GBF1: variants seen among roughly 807,000 people sequenced by gnomAD.
GBF1 encodes the protein golgi brefeldin A resistant guanine nucleotide exchange factor 1.
In GBF1, 114 loss-of-function variants were observed where a neutral mutation model predicts 210.5. The ratio of observed to expected loss-of-function variants is 0.54; its 90% CI spans 0.47 to 0.63. The LOEUF is 0.63. GBF1 is among the 30% of genes least tolerant of loss of function. GBF1 has a pLI of 0.00. For synonymous variants in GBF1, 850 were observed against 889.2 expected (o/e 0.96, Z 0.78); for missense variants, 1,851 against 2,357.7 (o/e 0.79, Z 4.45).
intron 3 of GBF1, among the ~76,000 whole-genome samples, chr10:102,297,966 G>T (rs1272897876): frequency 6.6e-6 from 1 of 152,088 alleles, no homozygotes; most frequent in Non-Finnish European, 1.5e-5. Flanking sequence ...ACAGAGTCTA[G>T]CTCTGTTACC....
chr10:102,270,771 C>T (rs1266090001), intron 3 of GBF1, among the ~76,000 whole-genome samples: 2 of 152,252 alleles, frequency 1.3e-5, no homozygotes, highest in South Asian at 2.1e-4. Context: ...TTCCGTTTGT[C>T]CCCAAACTTT....
intron 3 of GBF1, among the ~76,000 whole-genome samples, chr10:102,282,733 A>T (rs1468424605): frequency 6.6e-6 from 1 of 152,198 alleles, no homozygotes; most frequent in Non-Finnish European, 1.5e-5. Flanking sequence ...GTATAGCATG[A>T]ACACTAACCC....
Position 102,363,490 on chromosome 10 carries a change from C to A in GBF1, c.2017+94C>A. The A allele has an allele frequency of 8.0e-7, 1 of 1,251,508 alleles. No homozygotes were observed. The highest frequency in any genetic ancestry group is 1.1e-6 in the Non-Finnish European group (1 of 884,734). The allele number at this position is 1,251,508 out of a possible 1,614,324, so 77.5% of individuals were successfully genotyped here. On this transcript the variant is annotated intron_variant, in intron 16 of 39. Coordinates refer to ENST00000369983, the MANE Select transcript of GBF1 (RefSeq NM_001377137.1). The surrounding 1 kb of genome is among the most constrained non-coding windows in gnomAD (Gnocchi z 4.2). ...GCAGACACCTAGGATAGTAACTAAG[C>A]AAGCCTTGGTAGCCCGCCTCGCCTT...
intron 3 of GBF1, among the ~76,000 whole-genome samples, chr10:102,300,975 T>TC (rs2077289194): frequency 1.2e-5 from 1 of 82,072 alleles, no homozygotes; most frequent in Non-Finnish European, 2.3e-5. Flanking sequence ...TATTTTCTTT[T>TC]CTTTTTTTTT....
the GBF1 span, among the ~76,000 whole-genome samples, chr10:102,236,581 AT>A: frequency 6.6e-6 from 1 of 152,158 alleles, no homozygotes; most frequent in Non-Finnish European, 1.5e-5. Flanking sequence ...CAAGAATGAA[AT>A]ATCCAGGACA....
chr10:102,279,839 CA>C (rs1249309540), intron 3 of GBF1, among the ~76,000 whole-genome samples: 1 of 152,120 alleles, frequency 6.6e-6, no homozygotes, highest in Non-Finnish European at 1.5e-5. Flanking sequence ...ACCTTGCCCT[CA>C]AAAAAAGTGG....
intron 3 of GBF1, among the ~76,000 whole-genome samples, chr10:102,311,518 T>C (rs2133984830): frequency 6.6e-6 from 1 of 152,350 alleles, no homozygotes; most frequent in Middle Eastern, 3.4e-3. Flanking sequence ...TCTTACGCTA[T>C]TGCTTCTATG....
In GBF1 at chr10:102,365,861, T is replaced by C. The variant is rs540043886; in HGVS notation, c.2309+262T>C. ...GGGAGTTCGAGGCTGCAGTGAGCTGTGATCATGCCACTGTGATAGAGTGAG... is the reference window on the plus strand; with the variant it reads ...GGGAGTTCGAGGCTGCAGTGAGCTGCGATCATGCCACTGTGATAGAGTGAG... On this transcript the variant is annotated intron_variant, in intron 18 of 39. Coordinates refer to ENST00000369983, the MANE Select transcript of GBF1 (RefSeq NM_001377137.1). 3.3e-5 allele frequency among the ~76,000 whole-genome samples: 5 copies of C among 149,440 alleles called. No homozygotes were observed. The South Asian group carries it at 1.0e-3, about 31-fold the overall frequency.
chr10:102,353,676 G>A, intron 8 of GBF1, 22 bp downstream of exon 8: 1 of 1,578,124 alleles, frequency 6.3e-7, no homozygotes, highest in Non-Finnish European at 8.7e-7. Context: ...GAGCTGATCT[G>A]CTGTCCCTCA....
chr10:102,282,001 A>G (rs1389572820), intron 3 of GBF1, among the ~76,000 whole-genome samples: 1 of 145,222 alleles, frequency 6.9e-6, no homozygotes, highest in Non-Finnish European at 1.5e-5. Context: ...ATCTTGGCTC[A>G]CTGCAAGCTC....
intron 3 of GBF1, among the ~76,000 whole-genome samples, chr10:102,342,410 CACACACAG>C (rs2058261200): frequency 6.7e-6 from 1 of 148,924 alleles, no homozygotes; most frequent in African/African-American, 2.4e-5. Flanking sequence ...CACACACACT[CACACACAG>C]ACACACACAC....
intron 39 of GBF1, 95 bp from the exon 40 acceptor site, chr10:102,381,961 G>A (rs923687284): frequency 9.1e-7 from 1 of 1,093,366 alleles, no homozygotes; most frequent in Non-Finnish European, 1.3e-6. Flanking sequence ...GGAACAAGGA[G>A]GAACAGAGAC....
chr10:102,339,001 A>G (rs1343424813), intron 3 of GBF1, among the ~76,000 whole-genome samples: 1 of 152,166 alleles, frequency 6.6e-6, no homozygotes, highest in Non-Finnish European at 1.5e-5. Context: ...TGGAAAGGCA[A>G]AGGAATTGGA....
At chr10:102,354,184 C>T (rs1035048994) in intron 8 of GBF1, among the ~76,000 whole-genome samples, 3 of 152,170 alleles carry the variant, frequency 2.0e-5, no homozygotes, top group Non-Finnish European at 4.4e-5. Flanking sequence ...CTTCACGGGC[C>T]TCTGATGAGG....
At chr10:102,238,474 A>C in the GBF1 span, among the ~76,000 whole-genome samples, 1 of 152,192 alleles carries the variant, frequency 6.6e-6, no homozygotes, top group African/African-American at 2.4e-5. Flanking sequence ...AGACAGCGGC[A>C]GGGGTAGTGG....
intron 4 of GBF1, among the ~76,000 whole-genome samples, chr10:102,349,580 T>A (rs2058800644): frequency 6.6e-6 from 1 of 152,038 alleles, no homozygotes; most frequent in Non-Finnish European, 1.5e-5. Flanking sequence ...ATCTTATAAT[T>A]CCTGTGACTA....
chr10:102,334,861 A>G (rs185964621), intron 3 of GBF1, among the ~76,000 whole-genome samples: 394 of 152,234 alleles, frequency 2.6e-3, no homozygotes, highest in African/African-American at 7.3e-3. Context: ...AAAAAAAAAA[A>G]AAAGTCAAGA....
chr10:102,278,815 A>AT (rs1437037459), intron 3 of GBF1, among the ~76,000 whole-genome samples: 1 of 152,184 alleles, frequency 6.6e-6, no homozygotes, highest in Non-Finnish European at 1.5e-5. Context: ...CACTACTGAT[A>AT]TAGGGTCCTT....
At chr10:102,305,089 C>A (rs772011) in intron 3 of GBF1, among the ~76,000 whole-genome samples, 151,507 of 152,082 alleles carry the variant, frequency 1, 75,475 homozygotes, top group Middle Eastern at 1. Context: ...ACATTGGTTC[C>A]AGAAGGATTG....
Sources: gnomAD v4.1 joint callset for allele counts (sites outside exome capture counted in the v4.1 genomes callset) on GRCh38, gnomAD v4.1.1 for gene constraint, Gnocchi (gnomAD v3.1) non-coding constraint, MANE v1.5 for transcripts, NCBI Gene and HGNC (gene_info 2026-07-23, HGNC 2026-07-21) for gene names.